MYOM3: variants seen among roughly 807,000 people sequenced by gnomAD.
The protein encoded by MYOM3 is myomesin-3.
Under a neutral mutation model 191.7 loss-of-function variants are expected in MYOM3, and 155 were observed. The observed-to-expected ratio is 0.81, with a 90% CI of 0.71 to 0.92. MYOM3 has a LOEUF of 0.92. Among genes scored for constraint, MYOM3 ranks in the 40% least tolerant of loss-of-function variants. The probability of loss-of-function intolerance (pLI) is 0.00; values close to 1 mark genes in which losing one functional copy is unlikely to be tolerated. For synonymous variants in MYOM3, 757 were observed against 762.9 expected, an observed-to-expected ratio of 0.99 and a Z score of 0.13; for missense variants, 1,889 against 1,890.6, an observed-to-expected ratio of 1.00 and a Z score of 0.02.
At chr1:24,081,529 A>G in intron 18 of MYOM3, 73 bp from the exon 19 acceptor site, 1 of 1,549,798 alleles carries the variant, frequency 6.5e-7, no homozygotes, top group Non-Finnish European at 8.8e-7. Context: ...GTGGTGCGGG[A>G]GGGACTCAGA....
rs761167492 is a variant in MYOM3, at chr1:24,064,064, GCTC to G, written c.3622+5_3622+7del. 5 of 1,611,848 alleles carry G rather than the reference GCTC, an allele frequency of 3.1e-6. No individual in the cohort carries two copies. In the Admixed American group the frequency reaches 5.0e-5, roughly 16 times the overall value. On this transcript the variant is annotated splice_donor_5th_base_variant and intron_variant, in intron 30 of 36. Coordinates refer to ENST00000374434, the MANE Select transcript of MYOM3 (RefSeq NM_152372.4). ...CTCCACAGCCCCTGACCCATCGCCA[GCTC>G]CTACCGTCACCCGTGAGGTCCAATA...
At chr1:24,077,898 C>T (rs964563760) in intron 20 of MYOM3, among the ~76,000 whole-genome samples, 66 of 152,172 alleles carry the variant, frequency 4.3e-4, no homozygotes, top group African/African-American at 1.5e-3. Flanking sequence ...AGCAGAGTCC[C>T]CTGGCTGAGG....
At chr1:24,069,404 C>T (rs1345141325) in intron 25 of MYOM3, among the ~76,000 whole-genome samples, 1 of 152,100 alleles carries the variant, frequency 6.6e-6, no homozygotes. Flanking sequence ...ACAACCAGCC[C>T]CATTGCACAG....
In MYOM3 at chr1:24,086,827, A is replaced by G. The variant is rs1245281433; in HGVS notation, c.1615T>C (p.Ser539Pro). Residue 539 changes from serine (S) to proline (P), a missense_variant and splice_region_variant, in exon 15 of 37, where the codon TCA becomes CCA. Ser to Pro is a moderately conservative substitution (Grantham distance 74). Transcript: ENST00000374434. Reference sequence around the variant, plus strand: ...TCCCAGGTGCCACTACCTATGACTGACTGAAGAAACAGAGGGACTCACATT... The same window carrying G: ...TCCCAGGTGCCACTACCTATGACTGGCTGAAGAAACAGAGGGACTCACATT... ...RAPLTYSLEK[S>P]VIGSGTWEAI... 1.2e-6 allele frequency: 2 copies of G among 1,613,606 alleles called. No individual in the cohort carries two copies. Among genetic ancestry groups the G allele is most frequent in the South Asian group, 1.1e-5 (1 of 90,994 alleles).
intron 25 of MYOM3, among the ~76,000 whole-genome samples, chr1:24,069,269 C>T (rs991617968): frequency 6.6e-6 from 1 of 152,132 alleles, no homozygotes; most frequent in African/African-American, 2.4e-5. Context: ...AACTGATTGT[C>T]CCACCACTGA....
At chr1:24,066,248 T>G (rs1233000163) in intron 28 of MYOM3, 2 of 717,142 alleles carry the variant, frequency 2.8e-6, no homozygotes, top group Middle Eastern at 2.3e-4. Flanking sequence ...GAAGCCTTTT[T>G]TTTGAAGCAT....
At chr1:24,064,206 G>A (rs777090275) in intron 29 of MYOM3, 47 bp from the exon 30 acceptor site, 12 of 1,489,420 alleles carry the variant, frequency 8.1e-6, no homozygotes, top group Non-Finnish European at 1.1e-5. Context: ...GGCTCCAGAA[G>A]GAGAGATGGA....
rs532634848 is a variant in MYOM3 at position 24,077,747 on chromosome 1, G to A, written c.2587-1474C>T. On this transcript the variant is annotated intron_variant, in intron 20 of 36. Coordinates refer to ENST00000374434, the MANE Select transcript of MYOM3 (RefSeq NM_152372.4). The stretch of plus-strand genomic sequence containing the variant: ...AGCAGGTGTGAAGAAATGTTTAGCC[G>A]GTGGCTGACTGACCGAATGGCGGCC... 7.9e-5 allele frequency among the ~76,000 whole-genome samples: 12 copies of A among 152,316 alleles called. 1 individual carries two copies. In the South Asian group the frequency reaches 2.1e-3, roughly 26 times the overall value.
intron 7 of MYOM3, among the ~76,000 whole-genome samples, chr1:24,096,192 G>A (rs1430047715): frequency 1.3e-5 from 2 of 151,724 alleles, no homozygotes; most frequent in East Asian, 3.9e-4. Flanking sequence ...CCAGAGAAGG[G>A]CAGGAGGCTG....
rs748520912 is a variant in MYOM3 at position 24,097,945 on chromosome 1, G to A, written c.723C>T (p.Ser241=). The change falls in exon 7 of 37, where the codon TCC becomes TCT. Residue 241 remains serine, a synonymous_variant. Coordinates refer to ENST00000374434, the MANE Select transcript of MYOM3 (RefSeq NM_152372.4). ...TACTGCGGACGAGGACTTTGGCGAA[G>A]GAGGAGGCCTGGCCGTGGGCGTTCT... is the stretch of plus-strand genomic sequence containing the variant. ...RVKNAHGQAS[S]FAKVLVRTYL... The A allele has an allele frequency of 1.2e-6, 2 of 1,613,732 alleles. No homozygotes were observed. Among genetic ancestry groups the A allele is most frequent in the Non-Finnish European group, 1.7e-6 (2 of 1,179,584 alleles).
intron 36 of MYOM3, 65 bp from the exon 37 acceptor site, chr1:24,057,692 C>G: frequency 6.7e-7 from 1 of 1,501,216 alleles, no homozygotes; most frequent in Non-Finnish European, 9.1e-7. Context: ...CATTTGCTTT[C>G]ATGCCCCCAG....
Position 24,074,228 on chromosome 1 carries a change from C to G in MYOM3, c.2900G>C (p.Gly967Ala), listed in dbSNP as rs1012473029. Residue 967 changes from glycine to alanine, a missense_variant, in exon 23 of 37, where the codon GGC becomes GCC. Transcript: ENST00000374434. ...ATCAGTGACTATGACTGAGTAGGTG[C>G]CCAAATCCTCGAGGCCGGGTTCTTT... Reference protein sequence around the residue: ...ILKEPGLEDLGTYSVIVTDAD... With the variant: ...ILKEPGLEDLATYSVIVTDAD... 15 of 1,613,914 alleles carry G rather than the reference C, an allele frequency of 9.3e-6. No homozygotes were observed. The Admixed American group carries it at 1.0e-4, about 11-fold the overall frequency.
chr1:24,060,283 C>T (rs1643353797), intron 35 of MYOM3, among the ~76,000 whole-genome samples: 2 of 152,274 alleles, frequency 1.3e-5, no homozygotes, highest in East Asian at 3.9e-4. Context: ...GCCACTTATA[C>T]CCCTCAATTG....
chr1:24,101,559 C>A (rs183837274), intron 5 of MYOM3, among the ~76,000 whole-genome samples: 1 of 152,108 alleles, frequency 6.6e-6, no homozygotes, highest in Non-Finnish European at 1.5e-5. Flanking sequence ...TCAGCCTGGG[C>A]AACATAGCAA....
In MYOM3 at chr1:24,065,963, G is replaced by T; in HGVS notation, c.3462C>A (p.Phe1154Leu). The T allele has an allele frequency of 1.2e-6, 2 of 1,614,148 alleles. No homozygotes were observed. The highest frequency in any genetic ancestry group is 1.7e-6 in the Non-Finnish European group (2 of 1,179,966). The part of the protein sequence containing the change: ...NTKKETRFQW[F>L]FQRAEMPDGQ... ...CATCTGGCATCTCTGCCCTCTGGAA[G>T]AACCACTGAAAGCGAGTCTCCTTCT... The change falls in exon 29 of 37, where the codon TTC (phenylalanine) becomes TTA (leucine). Residue 1154 changes from phenylalanine to leucine, a missense_variant. Physicochemically the swap from Phe to Leu is conservative, Grantham distance 22. Transcript: ENST00000374434.
chr1:24,061,583 A>G (rs1055351064), intron 33 of MYOM3, among the ~76,000 whole-genome samples: 1 of 151,908 alleles, frequency 6.6e-6, no homozygotes, highest in Admixed American at 6.6e-5. Context: ...CTTTATTATT[A>G]TTCTTTTATT....
intron 22 of MYOM3, among the ~76,000 whole-genome samples, chr1:24,074,993 CT>C (rs1235869771): frequency 1.3e-5 from 2 of 152,158 alleles, no homozygotes; most frequent in African/African-American, 4.8e-5. Context: ...GGGAGGATCA[CT>C]TGCTCTTGGG....
chr1:24,095,334 G>T, intron 8 of MYOM3, 108 bp downstream of exon 8: 1 of 1,099,378 alleles, frequency 9.1e-7, no homozygotes, highest in Non-Finnish European at 1.3e-6. Context: ...CCCGGTGGAC[G>T]TCCTTTTATG....
In MYOM3 at chr1:24,075,389, A is replaced by G. The variant is rs763327130; in HGVS notation, c.2788T>C (p.Phe930Leu). 1.9e-6 allele frequency: 3 copies of G among 1,612,646 alleles called. No homozygotes were observed. In the Admixed American group the frequency reaches 5.0e-5, roughly 27 times the overall value. Residue 930 changes from phenylalanine (F) to leucine (L), a missense_variant, in exon 22 of 37, where the codon TTT (phenylalanine) becomes CTT (leucine). Transcript: ENST00000374434. ...EAPEAPDSSEFQWSKDYKGPL... is the reference protein window; with the variant it reads ...EAPEAPDSSELQWSKDYKGPL... ...CCCTTGTAGTCTTTGGACCACTGAA[A>G]CTCTGAGGAGTCGGGGGCTTCAGGG...
Sources: gnomAD v4.1 joint callset for allele counts (sites outside exome capture counted in the v4.1 genomes callset) on GRCh38, gnomAD v4.1.1 for gene constraint, MANE v1.5 for transcripts, NCBI Gene and HGNC (gene_info 2026-07-23, HGNC 2026-07-21) for gene names.